Variants in PRKG1 observed in about 807,000 individuals in gnomAD.
The protein encoded by PRKG1 is protein kinase cGMP-dependent 1.
A neutral mutation model predicts 88.1 loss-of-function variants in PRKG1; 35 were observed. The observed-to-expected ratio is 0.40, with a 90% CI of 0.30 to 0.53. The LOEUF is 0.53. Ranked by LOEUF, PRKG1 falls within the 20% of genes least tolerant of loss-of-function variation. The pLI is 0.59. For synonymous variants in PRKG1, 303 were observed against 292.5 expected (o/e 1.04, Z -0.37); for missense variants, 540 against 839.8 (o/e 0.64, Z 4.41).
chr10:52,293,934 GA>G lies in PRKG1; in HGVS notation c.*35del. On this transcript the variant is annotated 3_prime_UTR_variant, in exon 18 of 18. Transcript: ENST00000373980. ...TCTTACCTGCTTCTGCCTTGCTGAA[GA>G]CAGCTTTTTCTGAGACACAGCTGCC... 1.3e-6 allele frequency: 2 copies of G among 1,562,926 alleles called. No individual in the cohort carries two copies. Among genetic ancestry groups the G allele is most frequent in the South Asian group, 1.1e-5 (1 of 88,176 alleles).
chr10:51,838,116 T>C (rs931344483), intron 4 of PRKG1, among the ~76,000 whole-genome samples: 3 of 152,174 alleles, frequency 2.0e-5, no homozygotes, highest in Non-Finnish European at 4.4e-5. Flanking sequence ...AAAACACTTA[T>C]CAATAAAAAA....
chr10:52,239,554 A>T (rs1456445254), intron 9 of PRKG1, among the ~76,000 whole-genome samples: 1 of 141,038 alleles, frequency 7.1e-6, no homozygotes, highest in Non-Finnish European at 1.5e-5. Flanking sequence ...AAGAATTGTC[A>T]TAATAGGCCT....
At chr10:52,169,569 G>C (rs1349524217) in intron 9 of PRKG1, among the ~76,000 whole-genome samples, 1 of 152,138 alleles carries the variant, frequency 6.6e-6, no homozygotes, top group African/African-American at 2.4e-5. Flanking sequence ...ACAGTCTACA[G>C]CAGTGTGCTT....
chr10:52,166,793 A>ATATATATATGTATG (rs1489545159), intron 9 of PRKG1, among the ~76,000 whole-genome samples: 1 of 8,386 alleles, frequency 1.2e-4, no homozygotes, highest in Non-Finnish European at 7.4e-4. Context: ...AAGCCTATAT[A>ATATATATATGTATG]TATACATATA....
chr10:52,156,594 G>C (rs1393320959), intron 8 of PRKG1, among the ~76,000 whole-genome samples: 1 of 151,692 alleles, frequency 6.6e-6, no homozygotes, highest in African/African-American at 2.4e-5. Flanking sequence ...TTATTTGGGG[G>C]TAATTTTTTC....
intron 5 of PRKG1, among the ~76,000 whole-genome samples, chr10:51,982,044 T>C (rs1041230235): frequency 1.3e-5 from 2 of 152,178 alleles, no homozygotes; most frequent in Non-Finnish European, 2.9e-5. Context: ...TGTCTGACTG[T>C]CTTATTTCAG....
At chr10:51,938,376 T>C (rs1300442927) in intron 5 of PRKG1, among the ~76,000 whole-genome samples, 3 of 152,038 alleles carry the variant, frequency 2.0e-5, no homozygotes, top group Non-Finnish European at 4.4e-5. Flanking sequence ...CTGCAAGTTT[T>C]AGACAGCCAC....
intron 3 of PRKG1, among the ~76,000 whole-genome samples, chr10:51,546,421 C>T (rs1174926502): frequency 1.3e-5 from 2 of 151,902 alleles, no homozygotes; most frequent in Non-Finnish European, 2.9e-5. Flanking sequence ...TACCAGAAAA[C>T]GGTTTATCCT....
chr10:50,995,266 A>G (rs986587929), intron 1 of PRKG1, among the ~76,000 whole-genome samples: 29 of 152,200 alleles, frequency 1.9e-4, no homozygotes, highest in South Asian at 8.3e-4. Flanking sequence ...CCAGATTTCT[A>G]TGTGTCCACA....
chr10:52,255,319 C>T (rs1564534349), intron 10 of PRKG1, among the ~76,000 whole-genome samples: 1 of 152,002 alleles, frequency 6.6e-6, no homozygotes. Context: ...CCAATTTACT[C>T]TACTTTTGTC....
At chr10:51,788,527 A>ATAAT (rs1035580569) in intron 3 of PRKG1, among the ~76,000 whole-genome samples, 1 of 152,176 alleles carries the variant, frequency 6.6e-6, no homozygotes, top group African/African-American at 2.4e-5. Flanking sequence ...AGAATGACAT[A>ATAAT]TAATTTACTA....
chr10:51,785,143 A>T (rs1838696498), intron 3 of PRKG1, among the ~76,000 whole-genome samples: 1 of 149,794 alleles, frequency 6.7e-6, no homozygotes, highest in Non-Finnish European at 1.5e-5. Context: ...TTTTTTAATA[A>T]ATATCCTAAA....
At chr10:51,666,285 T>A (rs1840420964) in intron 3 of PRKG1, among the ~76,000 whole-genome samples, 1 of 152,190 alleles carries the variant, frequency 6.6e-6, no homozygotes, top group Non-Finnish European at 1.5e-5. Context: ...TGGCTGCCTC[T>A]CCAACCACAA....
intron 4 of PRKG1, among the ~76,000 whole-genome samples, chr10:51,846,309 C>G (rs1840396112): frequency 6.6e-6 from 1 of 152,030 alleles, no homozygotes; most frequent in Admixed American, 6.6e-5. Context: ...GTAAAACAAC[C>G]AAAGAAAGGA....
intron 5 of PRKG1, among the ~76,000 whole-genome samples, chr10:52,010,225 A>G (rs919875934): frequency 6.6e-6 from 1 of 152,220 alleles, no homozygotes; most frequent in Non-Finnish European, 1.5e-5. Context: ...CTATCAACAG[A>G]GTAAACACAC....
At chr10:51,841,194 ATC>A (rs893003284) in intron 4 of PRKG1, among the ~76,000 whole-genome samples, 1 of 152,076 alleles carries the variant, frequency 6.6e-6, no homozygotes, top group Non-Finnish European at 1.5e-5. Context: ...CTCTGTCTCA[ATC>A]TCTCTCTCAC....
In PRKG1 at chr10:51,569,746, C is replaced by T. The variant is rs193290305; in HGVS notation, c.592+101910C>T. The stretch of plus-strand genomic sequence containing the variant: ...TACAGTTACCTGGCATTGGGTAAAC[C>T]ATGTCATTCTCTGCATTTGTTTCTT... On this transcript the variant is annotated intron_variant, in intron 3 of 17. Transcript: ENST00000373980. Among the ~76,000 whole-genome samples the T allele has an allele frequency of 4.6e-5, 7 of 151,986 alleles. No individual in the cohort carries two copies. The East Asian group carries it at 1.4e-3, about 30-fold the overall frequency.
At chr10:51,792,432 G>A (rs570604398) in intron 3 of PRKG1, among the ~76,000 whole-genome samples, 15 of 151,974 alleles carry the variant, frequency 9.9e-5, no homozygotes, top group South Asian at 6.2e-4. Flanking sequence ...TCCCCACTTC[G>A]TCAGTCAATT....
chr10:51,079,342 G>A (rs1166377961), intron 1 of PRKG1, among the ~76,000 whole-genome samples: 2 of 152,166 alleles, frequency 1.3e-5, no homozygotes, highest in African/African-American at 2.4e-5. Flanking sequence ...AGCCTGTTTG[G>A]TTTTATGGTG....
Sources: allele counts gnomAD v4.1 joint callset (sites outside exome capture counted in the v4.1 genomes callset), GRCh38; gene constraint gnomAD v4.1.1; transcripts MANE v1.5; gene names NCBI Gene and HGNC (gene_info 2026-07-23, HGNC 2026-07-21).